Variants in CACNA1B observed in about 807,000 individuals in gnomAD.
The protein encoded by CACNA1B is calcium voltage-gated channel subunit alpha1 B.
CACNA1B carries 70 observed loss-of-function variants against 247.2 expected under a neutral mutation model. That is an observed-to-expected ratio of 0.28 (90% CI 0.23 to 0.35). The LOEUF is 0.35. CACNA1B is among the 10% of genes least tolerant of loss of function. CACNA1B has a pLI of 1.00. For synonymous variants in CACNA1B, 1,231 were observed against 1,294.4 expected (o/e 0.95, Z 1.05); for missense variants, 2,367 against 3,197.4 (o/e 0.74, Z 6.26).
At chr9:137,922,197 G>C (rs1345913503) in intron 6 of CACNA1B, among the ~76,000 whole-genome samples, 3 of 141,732 alleles carry the variant, frequency 2.1e-5, no homozygotes, top group African/African-American at 5.5e-5. Flanking sequence ...AGAGTAAAGC[G>C]TTCGGAGAAC....
intron 6 of CACNA1B, among the ~76,000 whole-genome samples, chr9:137,942,339 G>A (rs541248233): frequency 6.6e-6 from 1 of 152,340 alleles, no homozygotes; most frequent in East Asian, 1.9e-4. Flanking sequence ...TATTGGCATG[G>A]ATGCGGTGAA....
chr9:137,900,068 C>G lies in CACNA1B; in HGVS notation c.531-13112C>G, dbSNP rs565631202. On this transcript the variant is annotated intron_variant, in intron 3 of 46. Coordinates refer to ENST00000371372, the MANE Select transcript of CACNA1B (RefSeq NM_000718.4). Reference sequence around the variant, plus strand: ...CTGCCAGCTCTTGGCATTTTCAGAACTGGGGGGTCCTGTGGGGTATGGCTG... The same window carrying G: ...CTGCCAGCTCTTGGCATTTTCAGAAGTGGGGGGTCCTGTGGGGTATGGCTG... Among the ~76,000 whole-genome samples the G allele has an allele frequency of 4.2e-3, 637 of 152,294 alleles. 3 individuals carry two copies. Among genetic ancestry groups the G allele is most frequent in the Non-Finnish European group, 6.0e-3 (409 of 68,014 alleles).
At chr9:138,085,078 G>T (rs1337762763) in intron 36 of CACNA1B, among the ~76,000 whole-genome samples, 2 of 150,272 alleles carry the variant, frequency 1.3e-5, no homozygotes, top group East Asian at 4.1e-4. Flanking sequence ...TGTTCTTAAA[G>T]AAGTGCAACA....
In CACNA1B at chr9:137,974,116, G is replaced by A. The variant is rs1479216921; in HGVS notation, c.1544-1791G>A. ...CGTGTTGGGCCTTTCCAAGCTGCTT[G>A]TGTATTCCCCTGGGCTTGCTGGGGT... On this transcript the variant is annotated intron_variant, in intron 11 of 46. Transcript: ENST00000371372. This position sits in a 1 kb window ranked among gnomAD's most constrained non-coding sequence, Gnocchi z 4.5. 6.6e-6 allele frequency among the ~76,000 whole-genome samples: 1 copy of A among 152,190 alleles called. No individual in the cohort carries two copies. The highest frequency in any genetic ancestry group is 6.5e-5 in the Admixed American group (1 of 15,288).
intron 3 of CACNA1B, among the ~76,000 whole-genome samples, chr9:137,909,931 T>C (rs1425379240): frequency 6.6e-6 from 1 of 152,038 alleles, no homozygotes; most frequent in Non-Finnish European, 1.5e-5. Flanking sequence ...TCACCATGCC[T>C]GGCTAATTTT....
intron 20 of CACNA1B, among the ~76,000 whole-genome samples, chr9:138,040,961 T>C (rs1312526775): frequency 6.6e-6 from 1 of 152,220 alleles, no homozygotes; most frequent in Non-Finnish European, 1.5e-5. Flanking sequence ...TTCAGTTTTC[T>C]CAAGGATGGA....
chr9:137,899,174 G>A lies in CACNA1B; in HGVS notation c.531-14006G>A, dbSNP rs1245680765. Among the ~76,000 whole-genome samples, 9 of 151,660 alleles carry A rather than the reference G, an allele frequency of 5.9e-5. 1 individual carries two copies. Among genetic ancestry groups the A allele is most frequent in the East Asian group, 3.9e-4 (2 of 5,172 alleles). On this transcript the variant is annotated intron_variant, in intron 3 of 46. Coordinates refer to ENST00000371372, the MANE Select transcript of CACNA1B (RefSeq NM_000718.4). The surrounding 1 kb of genome is among the most constrained non-coding windows in gnomAD (Gnocchi z 5.0). ...GCAATCTCAGCTCACTGCAACCTCC[G>A]CCTCCTAGGTTCAAGCAATTGTCCT...
intron 21 of CACNA1B, among the ~76,000 whole-genome samples, chr9:138,046,012 T>TG (rs1959182846): frequency 6.6e-6 from 1 of 152,182 alleles, no homozygotes; most frequent in Admixed American, 6.5e-5. Flanking sequence ...CTGCCCCACC[T>TG]GCTCCGTCCA....
At position 137,882,384 on chromosome 9, in the gene CACNA1B, G is replaced by A. The variant is rs1193980694; in HGVS notation, c.391-360G>A. 6.6e-6 allele frequency among the ~76,000 whole-genome samples: 1 copy of A among 152,220 alleles called. No homozygotes were observed. Among genetic ancestry groups the A allele is most frequent in the Non-Finnish European group, 1.5e-5 (1 of 68,038 alleles). Reference sequence around the variant, plus strand: ...CCACAACTAGTACTGTTACATCACTGTCTTCCCCGAAGCAAGGCCCACTGC... The same window carrying A: ...CCACAACTAGTACTGTTACATCACTATCTTCCCCGAAGCAAGGCCCACTGC... On this transcript the variant is annotated intron_variant, in intron 2 of 46. Transcript: ENST00000371372. This position sits in a 1 kb window ranked among gnomAD's most constrained non-coding sequence, Gnocchi z 4.0.
At chr9:137,933,381 G>A (rs981386428) in intron 6 of CACNA1B, among the ~76,000 whole-genome samples, 5 of 152,140 alleles carry the variant, frequency 3.3e-5, no homozygotes, top group Non-Finnish European at 5.9e-5. Flanking sequence ...TCCAAGGACC[G>A]GACCAGAATT....
chr9:137,987,547 C>T (rs192495348), intron 15 of CACNA1B, among the ~76,000 whole-genome samples: 1 of 152,204 alleles, frequency 6.6e-6, no homozygotes, highest in Non-Finnish European at 1.5e-5. Flanking sequence ...TGTTGTCTTG[C>T]CTGTGATGCC....
Position 137,984,146 on chromosome 9 carries a change from G to T in CACNA1B, c.1665G>T (p.Val555=). The change falls in exon 13 of 47, where the codon GTG becomes GTT. Residue 555 remains valine, a synonymous_variant. Transcript: ENST00000371372. ...SFNCFDFGVI[V]GSVFEVVWAA... ...ATGCCATCCCGTTGCAGGTCATCGT[G>T]GGGAGCGTCTTTGAAGTGGTCTGGG... The T allele has an allele frequency of 6.3e-7, 1 of 1,595,672 alleles. No homozygotes were observed. The highest frequency in any genetic ancestry group is 8.5e-7 in the Non-Finnish European group (1 of 1,171,278).
Position 137,971,391 on chromosome 9 carries a change from T to C in CACNA1B, c.1342T>C (p.Phe448Leu). The C allele has an allele frequency of 6.2e-7, 1 of 1,610,250 alleles. No homozygotes were observed. The highest frequency in any genetic ancestry group is 1.1e-5 in the South Asian group (1 of 90,240). The change falls in exon 11 of 47, where the codon TTC (phenylalanine) becomes CTC (leucine). Residue 448 changes from phenylalanine to leucine, a missense_variant. Around this residue, in one of 12 missense-constraint regions of CACNA1B, gnomAD observed 219 missense variants for 297.6 expected, o/e 0.74. Transcript: ENST00000371372. The surrounding 1 kb of genome is among the most constrained non-coding windows in gnomAD (Gnocchi z 4.4). ...ACTCCCCATCCCCTCAGGATCCCCC[T>C]TCGCCCGCGCCAGCCTCAAGAGCGG... ...FADLCAVGSP[F>L]ARASLKSGKT...
intron 15 of CACNA1B, among the ~76,000 whole-genome samples, chr9:137,997,310 C>T (rs944971041): frequency 2.0e-5 from 3 of 151,976 alleles, no homozygotes; most frequent in African/African-American, 7.3e-5. Context: ...TATCAGGGGT[C>T]TTAGCACAGT....
At chr9:138,033,498 C>T (rs1444922580) in intron 20 of CACNA1B, among the ~76,000 whole-genome samples, 3 of 151,948 alleles carry the variant, frequency 2.0e-5, no homozygotes, top group African/African-American at 7.3e-5. Context: ...TGTTATGAGC[C>T]CTAAGTCTTA....
chr9:138,089,412 G>A (rs1371836950), intron 36 of CACNA1B, among the ~76,000 whole-genome samples: 2 of 151,908 alleles, frequency 1.3e-5, no homozygotes, highest in Admixed American at 1.3e-4. Flanking sequence ...CAGAATGAAG[G>A]ACAAAAACAA....
rs181021856 is a variant in CACNA1B at position 137,984,105 on chromosome 9, G to A, written c.1657-33G>A. On this transcript the variant is annotated intron_variant, in intron 12 of 46. Transcript: ENST00000371372. Reference sequence around the variant, plus strand: ...CATCTGCATGCACAGGTGCAGATACGGTGCACCCAAGGCTAATGCCATCCC... The same window carrying A: ...CATCTGCATGCACAGGTGCAGATACAGTGCACCCAAGGCTAATGCCATCCC... 6.5e-5 allele frequency: 96 copies of A among 1,477,636 alleles called. No homozygotes were observed. The Middle Eastern group carries it at 6.8e-4, about 11-fold the overall frequency. 91.5% of individuals were successfully genotyped at this position (1,477,636 alleles called of 1,614,324 possible). A position where few individuals can be genotyped will look rare whatever the true frequency, so the allele number is the denominator to read the frequency against.
chr9:138,016,716 C>G (rs1958797096), intron 18 of CACNA1B, among the ~76,000 whole-genome samples: 1 of 152,008 alleles, frequency 6.6e-6, no homozygotes, highest in South Asian at 2.1e-4. Flanking sequence ...CTTTGTTAGT[C>G]TATGCTGCCC....
chr9:138,086,448 C>T (rs1030621380), intron 36 of CACNA1B, among the ~76,000 whole-genome samples: 1 of 151,024 alleles, frequency 6.6e-6, no homozygotes, highest in Non-Finnish European at 1.5e-5. Context: ...TTGCTTGAGT[C>T]CAGGAGTTCA....
Sources: allele counts gnomAD v4.1 joint callset (sites outside exome capture counted in the v4.1 genomes callset), GRCh38; gene constraint gnomAD v4.1.1; regional missense constraint gnomAD v4.1.1; non-coding constraint Gnocchi (gnomAD v3.1); transcripts MANE v1.5; gene names NCBI Gene and HGNC (gene_info 2026-07-23, HGNC 2026-07-21).